The following VTI1A variants were observed in gnomAD, a reference collection of about 807,000 sequenced individuals.
VTI1A encodes vesicle transport through interaction with t-SNAREs 1A, also known as vesicle transport through interaction with t-SNAREs homolog 1A.
VTI1A carries 22 observed loss-of-function variants against 34.9 expected under a neutral mutation model. The ratio of observed to expected loss-of-function variants is 0.63; its 90% CI spans 0.45 to 0.90. VTI1A has a LOEUF of 0.90. Ranked by LOEUF, VTI1A falls within the 40% of genes least tolerant of loss-of-function variation. The pLI is 0.00. For missense variants in VTI1A, 268 were observed against 275.6 expected (o/e 0.97, Z 0.20); for synonymous variants, 87 against 97.3 (o/e 0.89, Z 0.62).
chr10:112,543,083 A>G (rs1240479068), intron 5 of VTI1A, among the ~76,000 whole-genome samples: 1 of 152,142 alleles, frequency 6.6e-6, no homozygotes, highest in Non-Finnish European at 1.5e-5. Context: ...ATCATTGATG[A>G]ACATTTGGGT....
At chr10:112,545,730 C>T (rs1356985222) in intron 5 of VTI1A, among the ~76,000 whole-genome samples, 5 of 152,154 alleles carry the variant, frequency 3.3e-5, no homozygotes, top group Admixed American at 2.6e-4. Flanking sequence ...TTTGTATGCA[C>T]ATTAAAGTTG....
At chr10:112,512,560 A>G (rs774570377) in intron 3 of VTI1A, among the ~76,000 whole-genome samples, 1 of 151,968 alleles carries the variant, frequency 6.6e-6, no homozygotes, top group Non-Finnish European at 1.5e-5. Context: ...ATTAAGTCCC[A>G]TTTGTCTATT....
At chr10:112,694,085 A>G (rs1848699999) in intron 7 of VTI1A, among the ~76,000 whole-genome samples, 1 of 152,152 alleles carries the variant, frequency 6.6e-6, no homozygotes, top group Non-Finnish European at 1.5e-5. Flanking sequence ...GCGTGCCTGT[A>G]ATCCCAGCTA....
chr10:112,573,229 T>C (rs1202903319), intron 5 of VTI1A, among the ~76,000 whole-genome samples: 1 of 152,196 alleles, frequency 6.6e-6, no homozygotes, highest in Non-Finnish European at 1.5e-5. Flanking sequence ...TTCATGGTCC[T>C]TAATGCTCAC....
intron 7 of VTI1A, among the ~76,000 whole-genome samples, chr10:112,746,482 C>T (rs538939825): frequency 4.6e-5 from 7 of 152,170 alleles, no homozygotes; most frequent in Non-Finnish European, 8.8e-5. Context: ...TACACATGGG[C>T]GGAACTCGCT....
At chr10:112,626,772 A>G (rs1052207575) in intron 5 of VTI1A, among the ~76,000 whole-genome samples, 2 of 152,214 alleles carry the variant, frequency 1.3e-5, no homozygotes, top group Non-Finnish European at 2.9e-5. Flanking sequence ...TTGTTTTCAG[A>G]TAGCCTGCAT....
At chr10:112,454,936 A>G (rs1010801089) in intron 1 of VTI1A, among the ~76,000 whole-genome samples, 20 of 152,114 alleles carry the variant, frequency 1.3e-4, no homozygotes, top group African/African-American at 3.4e-4. Context: ...AGGTTGTTTT[A>G]AGGATTGACT....
chr10:112,672,720 T>C (rs1847894834), intron 7 of VTI1A: 1 of 152,208 alleles, frequency 6.6e-6, no homozygotes, highest in South Asian at 2.1e-4. Context: ...GTGTGTATTT[T>C]TTCTATACCT....
chr10:112,770,201 T>C lies in VTI1A; in HGVS notation c.561-45089T>C, dbSNP rs571372130. 2.6e-5 allele frequency among the ~76,000 whole-genome samples: 4 copies of C among 152,204 alleles called. No homozygotes were observed. In the East Asian group the frequency reaches 7.7e-4, roughly 29 times the overall value. On this transcript the variant is annotated intron_variant, in intron 7 of 7. Transcript: ENST00000393077. ...ACACTTTTATTCCACAGTTATTGAA[T>C]TCCAACTGGATGCTGGTACCCACAG...
At chr10:112,830,849 A>ATATT in the VTI1A span, among the ~76,000 whole-genome samples, 31 of 33,510 alleles carry the variant, frequency 9.3e-4, no homozygotes, top group Admixed American at 1.9e-3. Context: ...ATATATATAT[A>ATATT]TTTTTTTTTT....
chr10:112,609,541 TGAATG>T (rs1356977801), intron 5 of VTI1A, among the ~76,000 whole-genome samples: 1 of 152,220 alleles, frequency 6.6e-6, no homozygotes, highest in Non-Finnish European at 1.5e-5. Flanking sequence ...CAATAAATGT[TGAATG>T]GATACATGAA....
At chr10:112,673,455 C>T (rs144937691) in intron 7 of VTI1A, among the ~76,000 whole-genome samples, 54 of 72,750 alleles carry the variant, frequency 7.4e-4, no homozygotes, top group South Asian at 4.0e-3. Flanking sequence ...CACACACATG[C>T]GCGCGTGCGC....
chr10:112,815,402 A>T lies in VTI1A; in HGVS notation c.*19A>T. 1 of 1,594,966 alleles carries T rather than the reference A, an allele frequency of 6.3e-7. No individual in the cohort carries two copies. The highest frequency in any genetic ancestry group is 8.6e-7 in the Non-Finnish European group (1 of 1,162,596). On this transcript the variant is annotated 3_prime_UTR_variant, in exon 8 of 8. Coordinates refer to ENST00000393077, the MANE Select transcript of VTI1A (RefSeq NM_145206.4). ...ACACTGATGTATCTGCTCTCCCTTG[A>T]TAAACAGCAACAACAGCTTGTTCTG... is the stretch of plus-strand genomic sequence containing the variant.
At chr10:112,455,670 CCTT>C (rs1442090289) in intron 1 of VTI1A, among the ~76,000 whole-genome samples, 64 of 58,930 alleles carry the variant, frequency 1.1e-3, no homozygotes, top group African/African-American at 7.4e-3. Flanking sequence ...TTCCTCCCTT[CCTT>C]CCTTCCTTCC....
At chr10:112,520,459 A>G (rs1176761695) in intron 3 of VTI1A, among the ~76,000 whole-genome samples, 1 of 152,046 alleles carries the variant, frequency 6.6e-6, no homozygotes, top group Admixed American at 6.6e-5. Flanking sequence ...AGAGGAAATG[A>G]AGAACTGCAG....
intron 3 of VTI1A, among the ~76,000 whole-genome samples, chr10:112,513,084 G>GT (rs1180252471): frequency 6.6e-6 from 1 of 151,994 alleles, no homozygotes; most frequent in Non-Finnish European, 1.5e-5. Context: ...CTGATTGATG[G>GT]TATTTTGATA....
the VTI1A span, among the ~76,000 whole-genome samples, chr10:112,844,675 A>C: frequency 6.6e-6 from 1 of 152,246 alleles, no homozygotes; most frequent in Non-Finnish European, 1.5e-5. Flanking sequence ...CTAGGATTAC[A>C]GGCGTGAGCC....
chr10:112,672,208 C>G (rs1847877768), intron 7 of VTI1A, among the ~76,000 whole-genome samples: 1 of 152,058 alleles, frequency 6.6e-6, no homozygotes, highest in African/African-American at 2.4e-5. Flanking sequence ...TATATGGAAT[C>G]ATTACAAACA....
intron 7 of VTI1A, among the ~76,000 whole-genome samples, chr10:112,684,587 G>T (rs1848337119): frequency 1.3e-5 from 2 of 151,874 alleles, no homozygotes; most frequent in Non-Finnish European, 2.9e-5. Flanking sequence ...TATAGGCACG[G>T]GCCATCACGC....
Sources: gnomAD v4.1 joint callset for allele counts (sites outside exome capture counted in the v4.1 genomes callset) on GRCh38, gnomAD v4.1.1 for gene constraint, MANE v1.5 for transcripts, NCBI Gene and HGNC (gene_info 2026-07-23, HGNC 2026-07-21) for gene names.